The following IFRD1 variants were observed in gnomAD, a reference collection of about 807,000 sequenced individuals.
IFRD1 encodes interferon related developmental regulator 1.
In IFRD1, 35 loss-of-function variants were observed where a neutral mutation model predicts 52.9. That is an observed-to-expected ratio of 0.66 (90% CI 0.51 to 0.88). The LOEUF (loss-of-function observed/expected upper bound fraction) is 0.88, where lower values mean the gene tolerates loss of function less well. Ranked by LOEUF, IFRD1 falls within the 40% of genes least tolerant of loss-of-function variation. The pLI is 0.00. For missense variants in IFRD1, 517 were observed against 550.8 expected, an observed-to-expected ratio of 0.94 and a Z score of 0.61; for synonymous variants, 184 against 188.4, an observed-to-expected ratio of 0.98 and a Z score of 0.19.
At position 112,457,051 on chromosome 7, in the gene IFRD1, T is replaced by C; in HGVS notation, c.409+13T>C. 3 of 1,612,914 alleles carry C rather than the reference T, an allele frequency of 1.9e-6. No individual in the cohort carries two copies. In the South Asian group the frequency reaches 3.3e-5, roughly 18 times the overall value. ...TGCCTGAAAAAAGGTAATGCCCTTATTTTTGAGTCACAGACGTACAACTAA... is the reference window on the plus strand; with the variant it reads ...TGCCTGAAAAAAGGTAATGCCCTTACTTTTGAGTCACAGACGTACAACTAA... On this transcript the variant is annotated intron_variant, in intron 4 of 11. Coordinates refer to ENST00000403825, the MANE Select transcript of IFRD1 (RefSeq NM_001550.4).
At chr7:112,432,306 A>G (rs1037682685) in intron 1 of IFRD1, among the ~76,000 whole-genome samples, 2 of 152,238 alleles carry the variant, frequency 1.3e-5, no homozygotes, top group Admixed American at 1.3e-4. Context: ...TTCATTCAAC[A>G]ACCATGTGTC....
chr7:112,467,137 CT>C (rs1795627970), intron 8 of IFRD1, among the ~76,000 whole-genome samples: 1 of 152,050 alleles, frequency 6.6e-6, no homozygotes, highest in African/African-American at 2.4e-5. Context: ...CCAAGAAGGC[CT>C]AGAAGAGCTG....
intron 1 of IFRD1, among the ~76,000 whole-genome samples, chr7:112,437,446 C>A (rs1794731597): frequency 6.6e-6 from 1 of 152,026 alleles, no homozygotes; most frequent in African/African-American, 2.4e-5. Flanking sequence ...ATGTGCCAGG[C>A]ATGTGCTAAG....
intron 8 of IFRD1, among the ~76,000 whole-genome samples, chr7:112,464,125 G>A (rs1162186211): frequency 1.3e-5 from 2 of 150,560 alleles, no homozygotes; most frequent in Non-Finnish European, 3.0e-5. Flanking sequence ...AATCCAGGGC[G>A]TTAGTGAAAT....
In IFRD1 at chr7:112,458,936, G is replaced by C; in HGVS notation, c.485G>C (p.Ser162Thr). The change falls in exon 5 of 12, where the codon AGT (serine) becomes ACT (threonine). Residue 162 changes from serine to threonine, a missense_variant. Physicochemically the swap from Ser to Thr is moderately conservative, Grantham distance 58. Coordinates refer to ENST00000403825, the MANE Select transcript of IFRD1 (RefSeq NM_001550.4). ...ATTCAGCTGGGCCCTGGAATTGAAA[G>C]TGAAGAGATTTTGAAAACTCTTGGA... ...LCIQLGPGIE[S>T]EEILKTLGPI... is the part of the protein sequence containing the mutation. 1.2e-6 allele frequency: 2 copies of C among 1,613,936 alleles called. No homozygotes were observed. The highest frequency in any genetic ancestry group is 1.7e-6 in the Non-Finnish European group (2 of 1,179,838).
At chr7:112,455,044 A>G (rs1209879823) in intron 1 of IFRD1, among the ~76,000 whole-genome samples, 1 of 151,610 alleles carries the variant, frequency 6.6e-6, no homozygotes, top group Non-Finnish European at 1.5e-5. Context: ...TTTTTGTATT[A>G]GTAGAGACGG....
At chr7:112,467,586 G>A (rs1002594600) in intron 8 of IFRD1, 1 of 217,356 alleles carries the variant, frequency 4.6e-6, no homozygotes, top group Admixed American at 5.3e-5. Flanking sequence ...ATGCCTTTGG[G>A]ATAAGAATAA....
Position 112,472,872 on chromosome 7 carries a change from T to C in IFRD1, c.1266+11T>C. On this transcript the variant is annotated intron_variant, in intron 11 of 11. Transcript: ENST00000403825. ...TCTCGTTTCGAAAGGGTAGGTTTTG[T>C]TTTTATTTTTAATAAAACTAAGTGC... The C allele has an allele frequency of 6.3e-7, 1 of 1,586,206 alleles. No homozygotes were observed. The highest frequency in any genetic ancestry group is 1.1e-5 in the South Asian group (1 of 90,502).
intron 5 of IFRD1, 46 bp downstream of exon 5, chr7:112,459,064 C>T (rs752320961): frequency 6.7e-7 from 1 of 1,495,820 alleles, no homozygotes; most frequent in African/African-American, 1.4e-5. Flanking sequence ...ATTCATGACA[C>T]CCAGACGTGG....
chr7:112,429,984 T>C (rs752634191), intron 1 of IFRD1, among the ~76,000 whole-genome samples: 10 of 152,202 alleles, frequency 6.6e-5, no homozygotes, highest in Non-Finnish European at 1.2e-4. Flanking sequence ...TCTCCCTTCT[T>C]CTCAGCTTCT....
At chr7:112,424,969 G>A (rs1001979277) in intron 1 of IFRD1, among the ~76,000 whole-genome samples, 1 of 152,082 alleles carries the variant, frequency 6.6e-6, no homozygotes, top group Non-Finnish European at 1.5e-5. Context: ...AAAAGAATAT[G>A]TATTCTACAG....
intron 1 of IFRD1, among the ~76,000 whole-genome samples, chr7:112,428,399 G>A (rs1008731328): frequency 6.6e-6 from 1 of 152,222 alleles, no homozygotes; most frequent in African/African-American, 2.4e-5. Flanking sequence ...AACAGGGAAC[G>A]AGTTTGGAAA....
chr7:112,433,664 T>A (rs2117231283), intron 1 of IFRD1, among the ~76,000 whole-genome samples: 1 of 152,354 alleles, frequency 6.6e-6, no homozygotes, highest in East Asian at 1.9e-4. Context: ...GTTTCAAAGT[T>A]AAACTATAAA....
At chr7:112,449,709 G>A (rs1795102949), upstream of IFRD1, among the ~76,000 whole-genome samples, 1 of 151,922 alleles carries the variant, frequency 6.6e-6, no homozygotes. Context: ...AGGTAGTATT[G>A]TCAAGGGACA....
At chr7:112,436,796 A>C (rs1794705988) in intron 1 of IFRD1, among the ~76,000 whole-genome samples, 1 of 152,160 alleles carries the variant, frequency 6.6e-6, no homozygotes, top group Admixed American at 6.5e-5. Flanking sequence ...GCCACCTATA[A>C]AAGGGTCAGG....
At chr7:112,465,428 A>G (rs1795583837) in intron 8 of IFRD1, among the ~76,000 whole-genome samples, 1 of 152,198 alleles carries the variant, frequency 6.6e-6, no homozygotes, top group South Asian at 2.1e-4. Context: ...TCAACTTTTG[A>G]AACCATTTAA....
chr7:112,427,698 C>G (rs1275892853), intron 1 of IFRD1, among the ~76,000 whole-genome samples: 1 of 152,162 alleles, frequency 6.6e-6, no homozygotes, highest in Non-Finnish European at 1.5e-5. Flanking sequence ...TAGACATACC[C>G]CAGAACTATC....
chr7:112,466,096 A>G (rs1795602326), intron 8 of IFRD1, among the ~76,000 whole-genome samples: 1 of 151,954 alleles, frequency 6.6e-6, no homozygotes, highest in Middle Eastern at 3.2e-3. Flanking sequence ...TTATAAGAGT[A>G]TATTAAGATA....
intron 9 of IFRD1, among the ~76,000 whole-genome samples, chr7:112,468,710 G>A (rs1795677034): frequency 6.6e-6 from 1 of 152,154 alleles, no homozygotes; most frequent in South Asian, 2.1e-4. Flanking sequence ...ATCTTGGCCA[G>A]GCTGGTCTTG....
Sources: gnomAD v4.1 joint callset for allele counts (sites outside exome capture counted in the v4.1 genomes callset) on GRCh38, gnomAD v4.1.1 for gene constraint, MANE v1.5 for transcripts, NCBI Gene and HGNC (gene_info 2026-07-23, HGNC 2026-07-21) for gene names.